Variants in EIF2AK3 observed in about 807,000 individuals in gnomAD.
EIF2AK3 encodes the protein eukaryotic translation initiation factor 2-alpha kinase 3.
Under a neutral mutation model 113.5 loss-of-function variants are expected in EIF2AK3, and 50 were observed. The ratio of observed to expected loss-of-function variants is 0.44; its 90% confidence interval spans 0.35 to 0.56. The LOEUF (loss-of-function observed/expected upper bound fraction) is 0.56. Among genes scored for constraint, EIF2AK3 ranks in the 20% least tolerant of loss-of-function variants. The pLI is 0.00. For synonymous variants in EIF2AK3, 448 were observed against 495.4 expected (o/e 0.90, Z 1.27); for missense variants, 1,185 against 1,378.0 (o/e 0.86, Z 2.22).
rs541472156 is a variant in EIF2AK3, at chr2:88,588,950, GT to G, written c.1166-50del. Reference sequence around the variant, plus strand: ...ATTATGCATTGATTTTTTTAAAAAGGTTTTTTTAATTAAATAAAATTACATT... The same window carrying G: ...ATTATGCATTGATTTTTTTAAAAAGGTTTTTTAATTAAATAAAATTACATT... On this transcript the variant is annotated intron_variant, in intron 6 of 16. Transcript: ENST00000303236. The G allele has an allele frequency of 2.9e-3, 4,576 of 1,595,574 alleles. 10 individuals carry two copies. Among genetic ancestry groups the G allele is most frequent in the Admixed American group, 3.3e-3 (194 of 59,542 alleles).
chr2:88,617,309 C>T (rs940599620), intron 1 of EIF2AK3, among the ~76,000 whole-genome samples: 1 of 152,128 alleles, frequency 6.6e-6, no homozygotes, highest in Non-Finnish European at 1.5e-5. Context: ...ACTATGCAGC[C>T]ATAAAAAGAT....
At position 88,562,373 on chromosome 2, in the gene EIF2AK3, A is replaced by G; in HGVS notation, c.3003T>C (p.Tyr1001=). ...AAGAAAAGATGTCCACTTTATGAGA[A>G]TAGCTGTTTCCATGAATCTGAAATC... is the stretch of plus-strand genomic sequence containing the variant. ...MSPEQIHGNS[Y]SHKVDIFSLG... The change falls in exon 15 of 17, where the codon TAT becomes TAC. Residue 1001 remains tyrosine, a synonymous_variant. Coordinates refer to ENST00000303236, the MANE Select transcript of EIF2AK3 (RefSeq NM_004836.7). 6.2e-7 allele frequency: 1 copy of G among 1,614,014 alleles called. No individual in the cohort carries two copies. The highest frequency in any genetic ancestry group is 8.5e-7 in the Non-Finnish European group (1 of 1,179,880).
chr2:88,575,391 G>GT lies in EIF2AK3; in HGVS notation c.2091dup (p.Arg698ThrfsTer13), dbSNP rs755933537. ...TTTGTAGCGAAAGGATCCATTCTGCGTATTTTAACTGATGGTGCATCCATT... is the reference window on the plus strand; with the variant it reads ...TTTGTAGCGAAAGGATCCATTCTGCGTTATTTTAACTGATGGTGCATCCATT... On this transcript the variant is annotated frameshift_variant, in exon 13 of 17. Coordinates refer to ENST00000303236, the MANE Select transcript of EIF2AK3 (RefSeq NM_004836.7). LOFTEE classifies it high-confidence loss of function. 6.2e-7 allele frequency: 1 copy of GT among 1,613,170 alleles called. No individual in the cohort carries two copies. The highest frequency in any genetic ancestry group is 8.5e-7 in the Non-Finnish European group (1 of 1,180,010).
At chr2:88,611,736 T>C (rs1350380830) in intron 2 of EIF2AK3, among the ~76,000 whole-genome samples, 1 of 152,152 alleles carries the variant, frequency 6.6e-6, no homozygotes, top group African/African-American at 2.4e-5. Flanking sequence ...GTTCAAGTGA[T>C]TTTCCTGCCT....
In EIF2AK3 at chr2:88,557,297, G is replaced by C. The variant is rs1258784889; in HGVS notation, c.*439C>G. 1 of 175,364 alleles carries C rather than the reference G, an allele frequency of 5.7e-6. No homozygotes were observed. The highest frequency in any genetic ancestry group is 1.2e-5 in the Non-Finnish European group (1 of 80,988). The allele number at this position is 175,364 out of a possible 1,614,324, so 10.9% of individuals were successfully genotyped here. Reference sequence around the variant, plus strand: ...CCCGCCAGGGACAAAAATGGAGTCAGCTTTTTCTAGAAATCAGTTTCAAAA... The same window carrying C: ...CCCGCCAGGGACAAAAATGGAGTCACCTTTTTCTAGAAATCAGTTTCAAAA... On this transcript the variant is annotated 3_prime_UTR_variant, in exon 17 of 17. Coordinates refer to ENST00000303236, the MANE Select transcript of EIF2AK3 (RefSeq NM_004836.7).
chr2:88,585,765 C>G, intron 9 of EIF2AK3, 76 bp downstream of exon 9: 1 of 1,435,186 alleles, frequency 7.0e-7, no homozygotes, highest in Non-Finnish European at 9.6e-7. Flanking sequence ...GGGATGGAAG[C>G]CAGACTGTGA....
intron 11 of EIF2AK3, among the ~76,000 whole-genome samples, chr2:88,577,171 C>T (rs746483876): frequency 6.6e-6 from 1 of 151,952 alleles, no homozygotes; most frequent in Admixed American, 6.6e-5. Flanking sequence ...TTGGTAGAGA[C>T]AGGGTTTCAC....
chr2:88,568,457 C>T (rs1233383510), intron 14 of EIF2AK3, among the ~76,000 whole-genome samples: 3 of 152,228 alleles, frequency 2.0e-5, no homozygotes, highest in African/African-American at 7.2e-5. Context: ...AAACATTTCA[C>T]TTAAAATGTC....
In EIF2AK3 at chr2:88,586,084, GT is replaced by G. The variant is rs554999626; in HGVS notation, c.1430-24del. On this transcript the variant is annotated intron_variant, in intron 8 of 16. Transcript: ENST00000303236. ...TATCTTCAAATAGAAACATTAAAAC[GT>G]TTTTTTTAAAGGTAATCAAAAATAG... 58 of 1,587,008 alleles carry G rather than the reference GT, an allele frequency of 3.7e-5. No individual in the cohort carries two copies. In the East Asian group the frequency reaches 4.5e-4, roughly 12 times the overall value.
intron 2 of EIF2AK3, among the ~76,000 whole-genome samples, chr2:88,612,241 AACAC>A (rs1675473948): frequency 6.6e-6 from 1 of 152,196 alleles, no homozygotes; most frequent in African/African-American, 2.4e-5. Context: ...TCAGTTTGCA[AACAC>A]ACACATGCTT....
chr2:88,560,745 G>GGTTTTTTT (rs1168494503), intron 15 of EIF2AK3, among the ~76,000 whole-genome samples: 2 of 130,998 alleles, frequency 1.5e-5, no homozygotes, highest in Non-Finnish European at 1.7e-5. Context: ...TATTTTGACT[G>GGTTTTTTT]TTTTTTTTTT....
chr2:88,562,577 AACT>A (rs762413119), intron 14 of EIF2AK3, among the ~76,000 whole-genome samples, 187 bp from the exon 15 acceptor site: 3 of 152,212 alleles, frequency 2.0e-5, no homozygotes, highest in African/African-American at 4.8e-5. Context: ...AGAGTAATTA[AACT>A]ACTCAGCATT....
At chr2:88,608,785 G>A (rs912739173) in intron 2 of EIF2AK3, among the ~76,000 whole-genome samples, 7 of 125,342 alleles carry the variant, frequency 5.6e-5, no homozygotes, top group South Asian at 2.8e-4. Flanking sequence ...CTGACTCACC[G>A]CAACCTCCGT....
chr2:88,595,385 A>C, intron 3 of EIF2AK3, 84 bp downstream of exon 3: 2 of 1,303,008 alleles, frequency 1.5e-6, no homozygotes, highest in South Asian at 2.5e-5. Context: ...AAACTCAACT[A>C]ATAATAAGTG....
chr2:88,591,666 T>G (rs972978751), intron 4 of EIF2AK3, among the ~76,000 whole-genome samples: 32 of 152,214 alleles, frequency 2.1e-4, no homozygotes, highest in Admixed American at 1.0e-3. Context: ...TAATGTTTCC[T>G]CTATAATTAG....
intron 1 of EIF2AK3, 107 bp from the exon 2 acceptor site, chr2:88,613,960 G>T: frequency 9.8e-7 from 1 of 1,020,464 alleles, no homozygotes. Context: ...TCTATTCGTA[G>T]AAAGGAAGAG....
chr2:88,602,231 A>T (rs1283794199), intron 2 of EIF2AK3, among the ~76,000 whole-genome samples: 1 of 152,192 alleles, frequency 6.6e-6, no homozygotes, highest in South Asian at 2.1e-4. Flanking sequence ...TTTCTTGATT[A>T]GTGACTCAGG....
At chr2:88,602,351 A>C (rs547218957) in intron 2 of EIF2AK3, among the ~76,000 whole-genome samples, 1 of 152,146 alleles carries the variant, frequency 6.6e-6, no homozygotes, top group Admixed American at 6.5e-5. Flanking sequence ...GTGTTCCCTA[A>C]CCAGGAACAC....
chr2:88,582,506 A>T (rs907886971), intron 10 of EIF2AK3, among the ~76,000 whole-genome samples: 1 of 152,182 alleles, frequency 6.6e-6, no homozygotes, highest in African/African-American at 2.4e-5. Context: ...ATAGAGGAGG[A>T]AGGTACTTAT....
Sources: allele counts gnomAD v4.1 joint callset (sites outside exome capture counted in the v4.1 genomes callset), GRCh38; gene constraint gnomAD v4.1.1; transcripts MANE v1.5; gene names NCBI Gene and HGNC (gene_info 2026-07-23, HGNC 2026-07-21).